FAM171A1: variants seen among roughly 807,000 people sequenced by gnomAD.
FAM171A1 encodes the protein protein FAM171A1.
A neutral mutation model predicts 74.9 loss-of-function variants in FAM171A1; 23 were observed. That is an observed-to-expected ratio of 0.31 (90% CI 0.22 to 0.44). The LOEUF (loss-of-function observed/expected upper bound fraction) is 0.44. Ranked by LOEUF, FAM171A1 falls within the 20% of genes least tolerant of loss-of-function variation. The pLI is 1.00. For synonymous variants in FAM171A1, 527 were observed against 505.7 expected (o/e 1.04, Z -0.57); for missense variants, 1,162 against 1,159.2 (o/e 1.00, Z -0.03).
intron 1 of FAM171A1, among the ~76,000 whole-genome samples, chr10:15,290,849 G>A (rs1453330619): frequency 6.6e-6 from 1 of 152,108 alleles, no homozygotes; most frequent in Non-Finnish European, 1.5e-5. Context: ...GCTTTGTGCA[G>A]GGGCCCTTGT....
intron 2 of FAM171A1, among the ~76,000 whole-genome samples, chr10:15,283,611 G>T (rs535509983): frequency 1.3e-5 from 2 of 152,212 alleles, no homozygotes; most frequent in South Asian, 4.2e-4. Context: ...TTGAAGCAGG[G>T]TCTTGTTCTG....
chr10:15,304,132 C>G (rs1195242436), intron 1 of FAM171A1, among the ~76,000 whole-genome samples: 1 of 152,218 alleles, frequency 6.6e-6, no homozygotes, highest in African/African-American at 2.4e-5. Flanking sequence ...GTGCTATAAT[C>G]CTCAACCCTT....
rs1274785302 is a variant in FAM171A1 at position 15,280,363 on chromosome 10, G to T, written c.325+3515C>A. ...CTCAGTCATATTGTGGGTGGTCTGTGGGGTAGAACAACTGGACTGGAGGCC... is the reference window on the plus strand; with the variant it reads ...CTCAGTCATATTGTGGGTGGTCTGTTGGGTAGAACAACTGGACTGGAGGCC... On this transcript the variant is annotated intron_variant, in intron 2 of 7. Coordinates refer to ENST00000378116, the MANE Select transcript of FAM171A1 (RefSeq NM_001010924.2). 3.3e-5 allele frequency among the ~76,000 whole-genome samples: 5 copies of T among 152,156 alleles called. No individual in the cohort carries two copies. In the East Asian group the frequency reaches 9.6e-4, roughly 29 times the overall value.
chr10:15,356,467 G>T (rs1835933516), intron 1 of FAM171A1, among the ~76,000 whole-genome samples: 1 of 152,116 alleles, frequency 6.6e-6, no homozygotes, highest in Non-Finnish European at 1.5e-5. Flanking sequence ...GTTCTGGAGA[G>T]AAATGAAAAA....
At chr10:15,246,672 C>G (rs1834439077) in intron 5 of FAM171A1, among the ~76,000 whole-genome samples, 1 of 152,178 alleles carries the variant, frequency 6.6e-6, no homozygotes, top group South Asian at 2.1e-4. Context: ...TGGACATGTA[C>G]CACCACAGCT....
chr10:15,312,473 G>T (rs1314219439), intron 1 of FAM171A1, among the ~76,000 whole-genome samples: 1 of 151,106 alleles, frequency 6.6e-6, no homozygotes. Context: ...AGCCAGTGGG[G>T]CAACACTGGG....
At position 15,218,149 on chromosome 10, in the gene FAM171A1, G is replaced by C. The variant is rs573294937; in HGVS notation, c.872-2039C>G. Among the ~76,000 whole-genome samples the C allele has an allele frequency of 4.7e-5, 7 of 149,432 alleles. No individual in the cohort carries two copies. In the South Asian group the frequency reaches 1.5e-3, roughly 32 times the overall value. On this transcript the variant is annotated intron_variant, in intron 6 of 7. Coordinates refer to ENST00000378116, the MANE Select transcript of FAM171A1 (RefSeq NM_001010924.2). ...GGCTGGAGTGCAGTGGCACGATCTG[G>C]GCTCACTGCAACCTCTGCCTCCCAG...
chr10:15,221,537 A>G (rs1414577602), intron 5 of FAM171A1, among the ~76,000 whole-genome samples: 1 of 152,198 alleles, frequency 6.6e-6, no homozygotes, highest in Admixed American at 6.5e-5. Context: ...CCTTCATCCC[A>G]TCTTTGCAAA....
At chr10:15,316,131 T>G (rs1415941371) in intron 1 of FAM171A1, among the ~76,000 whole-genome samples, 1 of 152,198 alleles carries the variant, frequency 6.6e-6, no homozygotes, top group Non-Finnish European at 1.5e-5. Flanking sequence ...TACAGATAGG[T>G]CATATAATTA....
At chr10:15,302,372 G>C (rs1315631300) in intron 1 of FAM171A1, among the ~76,000 whole-genome samples, 3 of 152,130 alleles carry the variant, frequency 2.0e-5, no homozygotes, top group Non-Finnish European at 2.9e-5. Context: ...TGCTGAGGCA[G>C]CAGAATTGCT....
chr10:15,280,998 G>A (rs972238558), intron 2 of FAM171A1, among the ~76,000 whole-genome samples: 48 of 152,302 alleles, frequency 3.2e-4, no homozygotes, highest in Middle Eastern at 3.4e-3. Flanking sequence ...GGCCTGATGG[G>A]AGGTGATTGG....
chr10:15,260,655 G>A (rs182429122), intron 3 of FAM171A1, among the ~76,000 whole-genome samples: 62 of 152,326 alleles, frequency 4.1e-4, no homozygotes, highest in Admixed American at 9.8e-4. Context: ...ATGTGAAGAT[G>A]AGTTAAACCT....
In FAM171A1 at chr10:15,213,698, G is replaced by C; in HGVS notation, c.1890C>G (p.Ser630=). Residue 630 remains serine (S), a synonymous_variant, in exon 8 of 8, where the codon TCC becomes TCG. Transcript: ENST00000378116. This position sits in a 1 kb window ranked among gnomAD's most constrained non-coding sequence, Gnocchi z 6.8. The part of the protein sequence containing the change: ...NPHAGIFPHP[S]SQIQPQPLSS... Reference sequence around the variant, plus strand: ...ACAGGGGCTGGGGCTGGATCTGTGAGGACGGGTGTGGGAAGATCCCGGCAT... The same window carrying C: ...ACAGGGGCTGGGGCTGGATCTGTGACGACGGGTGTGGGAAGATCCCGGCAT... The C allele has an allele frequency of 1.2e-6, 2 of 1,612,658 alleles. No homozygotes were observed. Among genetic ancestry groups the C allele is most frequent in the South Asian group, 1.1e-5 (1 of 90,888 alleles).
At chr10:15,283,500 G>C (rs771322503) in intron 2 of FAM171A1, among the ~76,000 whole-genome samples, 1 of 152,190 alleles carries the variant, frequency 6.6e-6, no homozygotes, top group Non-Finnish European at 1.5e-5. Context: ...CTGGTGGAGG[G>C]GGAGAGGCGT....
At chr10:15,367,036 A>G (rs889493703) in intron 1 of FAM171A1, among the ~76,000 whole-genome samples, 3 of 152,150 alleles carry the variant, frequency 2.0e-5, no homozygotes, top group Non-Finnish European at 4.4e-5. Flanking sequence ...TTATCTACTA[A>G]AAATACAAAA....
At chr10:15,339,974 A>G (rs940594394) in intron 1 of FAM171A1, among the ~76,000 whole-genome samples, 11 of 152,168 alleles carry the variant, frequency 7.2e-5, no homozygotes, top group Admixed American at 2.0e-4. Flanking sequence ...CTTATGCACT[A>G]TCATGAGAAC....
chr10:15,220,347 GAAAAC>G (rs972295687), intron 6 of FAM171A1, among the ~76,000 whole-genome samples: 2 of 151,996 alleles, frequency 1.3e-5, no homozygotes, highest in African/African-American at 2.4e-5. Context: ...TGACCATTTT[GAAAAC>G]AAAACAAAAC....
At chr10:15,371,539 T>A (rs1836149201), upstream of FAM171A1, among the ~76,000 whole-genome samples, 1 of 151,942 alleles carries the variant, frequency 6.6e-6, no homozygotes, top group African/African-American at 2.4e-5. Flanking sequence ...GCAGGAGACA[T>A]TGTATCTGGG....
chr10:15,315,826 C>T (rs1184037880), intron 1 of FAM171A1, among the ~76,000 whole-genome samples: 1 of 152,088 alleles, frequency 6.6e-6, no homozygotes, highest in Non-Finnish European at 1.5e-5. Context: ...TTGATTTTTA[C>T]CTCTTTCCCC....
Sources: allele counts gnomAD v4.1 joint callset (sites outside exome capture counted in the v4.1 genomes callset), GRCh38; gene constraint gnomAD v4.1.1; non-coding constraint Gnocchi (gnomAD v3.1); transcripts MANE v1.5; gene names NCBI Gene and HGNC (gene_info 2026-07-23, HGNC 2026-07-21).